The following LPAR1 variants were observed in gnomAD, a reference collection of about 807,000 sequenced individuals.
LPAR1 encodes lysophosphatidic acid receptor 1.
A neutral mutation model predicts 23.8 loss-of-function variants in LPAR1; 5 were observed. The ratio of observed to expected loss-of-function variants is 0.21; its 90% CI spans 0.11 to 0.44. LPAR1 has a LOEUF of 0.44. Among genes scored for constraint, LPAR1 ranks in the 20% least tolerant of loss-of-function variants. LPAR1 has a pLI of 0.99. For synonymous variants in LPAR1, 160 were observed against 164.7 expected (o/e 0.97, Z 0.22); for missense variants, 311 against 482.8 (o/e 0.64, Z 3.33).
rs1199328208 is a variant in LPAR1 at position 111,003,423 on chromosome 9, G to A, written c.-181-29865C>T. 3.9e-5 allele frequency among the ~76,000 whole-genome samples: 6 copies of A among 152,114 alleles called. 1 individual carries two copies. The South Asian group carries it at 1.0e-3, about 26-fold the overall frequency. On this transcript the variant is annotated intron_variant, in intron 2 of 5. Transcript: ENST00000683809. ...GCAGGGTGGCACACAAATCTACTTAGAACCCATTCTCTAGGGACAATGAAT... is the reference window on the plus strand; with the variant it reads ...GCAGGGTGGCACACAAATCTACTTAAAACCCATTCTCTAGGGACAATGAAT...
At chr9:110,994,312 ATAAAG>A (rs1465321607) in intron 2 of LPAR1, among the ~76,000 whole-genome samples, 3 of 152,224 alleles carry the variant, frequency 2.0e-5, no homozygotes, top group African/African-American at 7.2e-5. Context: ...CTATTCCATA[ATAAAG>A]TAGACTTAGA....
chr9:111,026,282 T>C (rs2097690037), intron 2 of LPAR1, among the ~76,000 whole-genome samples: 1 of 152,200 alleles, frequency 6.6e-6, no homozygotes, highest in African/African-American at 2.4e-5. Flanking sequence ...TTATTCTCTT[T>C]GTAGCAATTG....
intron 2 of LPAR1, among the ~76,000 whole-genome samples, chr9:111,024,116 A>G (rs529393760): frequency 2.6e-5 from 4 of 152,266 alleles, no homozygotes; most frequent in Non-Finnish European, 5.9e-5. Flanking sequence ...CATATGCACA[A>G]TGCATACCAC....
rs577295809 is a variant in LPAR1, at chr9:110,964,669, C to T, written c.45+7404G>A. 3.0e-3 allele frequency among the ~76,000 whole-genome samples: 6 copies of T among 1,992 alleles called. No individual in the cohort carries two copies. The South Asian group carries it at 0.1, about 34-fold the overall frequency. The allele number at this position is 1,992 out of a possible 152,430, so 1.3% of individuals were successfully genotyped here. ...TATCCAAAAAGACGAATCTTTCAGC[C>T]TCAAAAAAAAAACCCATTTAATGTG... On this transcript the variant is annotated intron_variant, in intron 4 of 5. Transcript: ENST00000683809.
intron 4 of LPAR1, among the ~76,000 whole-genome samples, chr9:110,960,344 T>A (rs960950982): frequency 1.3e-5 from 2 of 152,150 alleles, no homozygotes; most frequent in Admixed American, 6.6e-5. Context: ...TATCAATAAA[T>A]AAACCTGCAG....
intron 4 of LPAR1, chr9:110,945,307 A>G (rs1318634519): frequency 2.6e-5 from 4 of 152,216 alleles, no homozygotes; most frequent in Non-Finnish European, 5.9e-5. Flanking sequence ...AGTCAGGGCT[A>G]TAATGACAGA....
intron 2 of LPAR1, among the ~76,000 whole-genome samples, chr9:110,998,267 A>G (rs1162224592): frequency 6.6e-6 from 1 of 152,242 alleles, no homozygotes; most frequent in African/African-American, 2.4e-5. Context: ...TGAAGTGTTC[A>G]GTATTGTTGA....
rs1366833671 is a variant in LPAR1 at position 110,875,530 on chromosome 9, T to C, written c.986A>G (p.Gln329Arg). The change falls in exon 6 of 6, where the codon CAG (glutamine) becomes CGG (arginine). Residue 329 changes from glutamine (Q) to arginine (R), a missense_variant. By Grantham distance (43) the Gln-to-Arg change is conservative. Transcript: ENST00000683809. ...GGGGCCGGTGGGGTTCTCACTGCGC[T>C]GGCAGCAGAGGATCTGCCTAAAGGT... is the stretch of plus-strand genomic sequence containing the variant. ...SATFRQILCCQRSENPTGPTE... is the reference protein window; with the variant it reads ...SATFRQILCCRRSENPTGPTE... The C allele has an allele frequency of 6.2e-7, 1 of 1,614,154 alleles. No individual in the cohort carries two copies. The highest frequency in any genetic ancestry group is 1.7e-5 in the Admixed American group (1 of 60,014).
At chr9:111,021,307 C>T (rs2097556148) in intron 2 of LPAR1, among the ~76,000 whole-genome samples, 1 of 152,104 alleles carries the variant, frequency 6.6e-6, no homozygotes, top group Non-Finnish European at 1.5e-5. Context: ...TGTCATTATA[C>T]ATCAATAAAG....
In LPAR1 at chr9:110,972,170, A is replaced by G; in HGVS notation, c.-53T>C. Reference sequence around the variant, plus strand: ...CACGCCCCAGAACTACGGGAGACAAATTTTCTTGTTTGCTGATCAGATCGA... The same window carrying G: ...CACGCCCCAGAACTACGGGAGACAAGTTTTCTTGTTTGCTGATCAGATCGA... On this transcript the variant is annotated 5_prime_UTR_variant, in exon 4 of 6. Coordinates refer to ENST00000683809, the MANE Select transcript of LPAR1 (RefSeq NM_001351411.2). 6.4e-7 allele frequency: 1 copy of G among 1,554,828 alleles called. No homozygotes were observed. Among genetic ancestry groups the G allele is most frequent in the Admixed American group, 1.7e-5 (1 of 59,838 alleles).
intron 2 of LPAR1, among the ~76,000 whole-genome samples, chr9:110,991,065 TATACAAA>T (rs2096884057): frequency 6.6e-6 from 1 of 152,070 alleles, no homozygotes. Context: ...CCTCATACCA[TATACAAA>T]AATTAACTGA....
chr9:110,959,284 A>AAGGAAGGG (rs888701263), intron 4 of LPAR1, among the ~76,000 whole-genome samples: 297 of 151,680 alleles, frequency 2.0e-3, no homozygotes, highest in African/African-American at 6.7e-3. Context: ...GTAAGGATGG[A>AAGGAAGGG]AGGAAGGGAG....
chr9:110,986,866 A>G (rs7037390), intron 2 of LPAR1, among the ~76,000 whole-genome samples: 102,094 of 151,234 alleles, frequency 0.68, 34,836 homozygotes, highest in Admixed American at 0.71. Flanking sequence ...AATCAAAATC[A>G]ATACTGAGTG....
intron 2 of LPAR1, among the ~76,000 whole-genome samples, chr9:111,017,485 C>T (rs2097476594): frequency 1.3e-5 from 2 of 152,244 alleles, no homozygotes; most frequent in Admixed American, 1.3e-4. Context: ...ACTTTATTTC[C>T]CCAAGGCACA....
intron 2 of LPAR1, among the ~76,000 whole-genome samples, chr9:111,032,272 G>A (rs921350672): frequency 8.5e-5 from 13 of 152,106 alleles, no homozygotes; most frequent in African/African-American, 3.1e-4. Context: ...TCTAGGCTTG[G>A]TTTATCTCCC....
intron 5 of LPAR1, among the ~76,000 whole-genome samples, chr9:110,904,985 C>T (rs543936143): frequency 6.6e-6 from 1 of 152,154 alleles, no homozygotes; most frequent in Non-Finnish European, 1.5e-5. Flanking sequence ...GTAGCATAAA[C>T]CTACTGGAGC....
rs549785121 is a variant in LPAR1, at chr9:110,906,617, T to G, written c.794-30895A>C. ...TCATATTAAAATATTTTTCTTGGGTTTGACTCTTACACTTAGGGAAACAAA... is the reference window on the plus strand; with the variant it reads ...TCATATTAAAATATTTTTCTTGGGTGTGACTCTTACACTTAGGGAAACAAA... On this transcript the variant is annotated intron_variant, in intron 5 of 5. Coordinates refer to ENST00000683809, the MANE Select transcript of LPAR1 (RefSeq NM_001351411.2). Among the ~76,000 whole-genome samples, 126 of 152,294 alleles carry G rather than the reference T, an allele frequency of 8.3e-4. 1 individual carries two copies. The highest frequency in any genetic ancestry group is 6.0e-4 in the Non-Finnish European group (41 of 68,012).
intron 5 of LPAR1, among the ~76,000 whole-genome samples, chr9:110,920,470 A>G (rs985945383): frequency 2.6e-5 from 4 of 152,228 alleles, no homozygotes; most frequent in African/African-American, 4.8e-5. Flanking sequence ...ACTAATTAAA[A>G]TCATTATAAT....
Position 111,023,049 on chromosome 9 carries a change from TCAA to T in LPAR1, c.-182+13070_-182+13072del, listed in dbSNP as rs774711122. Among the ~76,000 whole-genome samples, 533 of 60,900 alleles carry T rather than the reference TCAA, an allele frequency of 8.8e-3. 14 individuals are homozygous for T. The highest frequency in any genetic ancestry group is 0.024 in the Middle Eastern group (2 of 82). The allele number at this position is 60,900 out of a possible 152,430, so 40.0% of individuals were successfully genotyped here. A position where few individuals can be genotyped will look rare whatever the true frequency, so the allele number is the denominator to read the frequency against. ...CTGGGTGACACAGCAAGACTCCGTC[TCAA>T]CAAAAAAAAAAAAAAAAAAAAAAAA... On this transcript the variant is annotated intron_variant, in intron 2 of 5. Coordinates refer to ENST00000683809, the MANE Select transcript of LPAR1 (RefSeq NM_001351411.2).
Sources: gnomAD v4.1 joint callset for allele counts (sites outside exome capture counted in the v4.1 genomes callset) on GRCh38, gnomAD v4.1.1 for gene constraint, MANE v1.5 for transcripts, NCBI Gene and HGNC (gene_info 2026-07-23, HGNC 2026-07-21) for gene names.